ASB15: variants seen among roughly 807,000 people sequenced by gnomAD.
ASB15 encodes ankyrin repeat and SOCS box protein 15.
In ASB15, 54 loss-of-function variants were observed where a neutral mutation model predicts 58.0. That is an observed-to-expected ratio of 0.93 (90% CI 0.75 to 1.17). ASB15 has a LOEUF of 1.17. Ranked by LOEUF, ASB15 falls within the 50% of genes most tolerant of loss-of-function variation. The probability of loss-of-function intolerance (pLI) is 0.00; values close to 1 mark genes in which losing one functional copy is unlikely to be tolerated. For missense variants in ASB15, 680 were observed against 707.4 expected, an observed-to-expected ratio of 0.96 and a Z score of 0.44; for synonymous variants, 249 against 262.4, an observed-to-expected ratio of 0.95 and a Z score of 0.50.
At chr7:123,573,493 A>G (rs1009926719) in intron 1 of ASB15, among the ~76,000 whole-genome samples, 4 of 152,008 alleles carry the variant, frequency 2.6e-5, no homozygotes, top group Non-Finnish European at 4.4e-5. Flanking sequence ...CTAGTCCTCA[A>G]GCAAAGAAGC....
At chr7:123,572,159 T>C (rs1242199805) in intron 1 of ASB15, among the ~76,000 whole-genome samples, 3 of 113,860 alleles carry the variant, frequency 2.6e-5, no homozygotes, top group Admixed American at 9.5e-5. Flanking sequence ...TTTTTTTTTT[T>C]GGAGACAGAG....
intron 8 of ASB15, 124 bp downstream of exon 8, chr7:123,624,938 A>C (rs1047980491): frequency 8.0e-7 from 1 of 1,247,498 alleles, no homozygotes; most frequent in South Asian, 1.5e-5. Flanking sequence ...GCTGAATGGA[A>C]CTTGGCATCA....
In ASB15 at chr7:123,637,877, C is replaced by CAAAAAAAAAAAAAAAAAAAAAAAAAA. The variant is rs1459949582; in HGVS notation, c.*896_*897insAAAAAAAAAAAAAAAAAAAAAAAAAA. The CAAAAAAAAAAAAAAAAAAAAAAAAAA allele has an allele frequency of 5.2e-5, 1 of 19,120 alleles. No individual in the cohort carries two copies. Among genetic ancestry groups the CAAAAAAAAAAAAAAAAAAAAAAAAAA allele is most frequent in the Non-Finnish European group, 9.2e-5 (1 of 10,832 alleles). 1.2% of individuals were successfully genotyped at this position (19,120 alleles called of 1,614,324 possible). A position where few individuals can be genotyped will look rare whatever the true frequency, so the allele number is the denominator to read the frequency against. ...CAAATTCAACATGTCCCCAGATGAA[C>CAAAAAAAAAAAAAAAAAAAAAAAAAA]TAAAAAAAAAAAAAAAAAAAAAACC... On this transcript the variant is annotated 3_prime_UTR_variant, in exon 12 of 12. Coordinates refer to ENST00000451215, the MANE Select transcript of ASB15 (RefSeq NM_001290258.2).
chr7:123,631,971 A>G (rs1802142349), intron 11 of ASB15, among the ~76,000 whole-genome samples: 3 of 151,868 alleles, frequency 2.0e-5, no homozygotes, highest in Admixed American at 6.6e-5. Context: ...CCAGCTACTC[A>G]GGAGGCTGAG....
At chr7:123,594,391 T>C (rs967525776) in intron 1 of ASB15, among the ~76,000 whole-genome samples, 3 of 152,162 alleles carry the variant, frequency 2.0e-5, no homozygotes, top group African/African-American at 7.2e-5. Context: ...GCCTTTCTGC[T>C]CTGGTTTCTC....
intron 1 of ASB15, among the ~76,000 whole-genome samples, chr7:123,574,444 A>G (rs895481838): frequency 6.6e-6 from 1 of 152,186 alleles, no homozygotes; most frequent in Non-Finnish European, 1.5e-5. Context: ...AGTTTGTGAT[A>G]CAGTAAGTCA....
chr7:123,630,614 T>G (rs540812795), intron 11 of ASB15, among the ~76,000 whole-genome samples: 19 of 152,288 alleles, frequency 1.2e-4, no homozygotes, highest in African/African-American at 4.6e-4. Context: ...GACAGGCCAT[T>G]TTGTCTTTTC....
chr7:123,571,912 G>A (rs1465467513), intron 1 of ASB15, among the ~76,000 whole-genome samples: 1 of 151,898 alleles, frequency 6.6e-6, no homozygotes, highest in African/African-American at 2.4e-5. Context: ...CCACACCACA[G>A]GCATGCACCA....
Position 123,616,353 on chromosome 7 carries a change from G to A in ASB15, c.161-11G>A. 6.2e-7 allele frequency: 1 copy of A among 1,610,224 alleles called. No individual in the cohort carries two copies. The highest frequency in any genetic ancestry group is 1.1e-5 in the South Asian group (1 of 90,912). On this transcript the variant is annotated splice_polypyrimidine_tract_variant and intron_variant, in intron 5 of 11. Coordinates refer to ENST00000451215, the MANE Select transcript of ASB15 (RefSeq NM_001290258.2). ...ACAGAGATTAGTCATCAGTCCATGT[G>A]TTTAATTTAGGTCACATTCCTGAGC...
chr7:123,628,635 A>T (rs75686389), intron 9 of ASB15, among the ~76,000 whole-genome samples: 2,403 of 152,326 alleles, frequency 0.016, 64 homozygotes, highest in African/African-American at 0.054. Context: ...TATAAGATGC[A>T]GTTTCCCAGG....
intron 1 of ASB15, among the ~76,000 whole-genome samples, chr7:123,575,779 A>C (rs1000847327): frequency 6.9e-6 from 1 of 144,422 alleles, no homozygotes; most frequent in Middle Eastern, 3.3e-3. Flanking sequence ...CCCTTTATGA[A>C]TTATTTGATT....
intron 7 of ASB15, 123 bp from the exon 8 acceptor site, chr7:123,624,446 T>C: frequency 7.9e-6 from 7 of 883,002 alleles, no homozygotes; most frequent in South Asian, 1.7e-5. Context: ...TACATTATTT[T>C]CCTTGTAGAA....
intron 1 of ASB15, among the ~76,000 whole-genome samples, chr7:123,590,563 T>C (rs1031190005): frequency 2.6e-5 from 4 of 152,174 alleles, no homozygotes; most frequent in African/African-American, 9.7e-5. Context: ...CCCAGCACCA[T>C]TTATTAAATA....
intron 11 of ASB15, among the ~76,000 whole-genome samples, chr7:123,630,328 G>C (rs79101086): frequency 0.12 from 18,702 of 152,002 alleles, 1,310 homozygotes; most frequent in Admixed American, 0.19. Context: ...TGTATAATGA[G>C]TAATACTACA....
rs151190258 is a variant in ASB15, at chr7:123,588,914, A to G, written c.-442-15118A>G. Among the ~76,000 whole-genome samples, 1,186 of 151,338 alleles carry G rather than the reference A, an allele frequency of 7.8e-3. 7 individuals are homozygous for G. The highest frequency in any genetic ancestry group is 0.012 in the Non-Finnish European group (816 of 67,726). ...TATTATTGGTTTCTTGTTCCATACC[A>G]TTGTGGTTGGAAAAGATAATTGATA... On this transcript the variant is annotated intron_variant, in intron 1 of 13. Transcript: ENST00000451558.
At chr7:123,607,429 A>G (rs2116452229) in intron 2 of ASB15, among the ~76,000 whole-genome samples, 1 of 152,302 alleles carries the variant, frequency 6.6e-6, no homozygotes, top group South Asian at 2.1e-4. Flanking sequence ...AACACAGCTG[A>G]GATAAACATT....
intron 1 of ASB15, among the ~76,000 whole-genome samples, chr7:123,585,421 T>G (rs755276373): frequency 6.6e-6 from 1 of 151,926 alleles, no homozygotes; most frequent in African/African-American, 2.4e-5. Flanking sequence ...GGAATGCATA[T>G]GCAATATTGC....
At chr7:123,634,757 T>C (rs1333283683) in intron 11 of ASB15, among the ~76,000 whole-genome samples, 2 of 152,182 alleles carry the variant, frequency 1.3e-5, no homozygotes, top group African/African-American at 4.8e-5. Context: ...AAGATATAAT[T>C]AGTTATCACC....
Position 123,623,872 on chromosome 7 carries a change from A to AAAAAAG in ASB15, c.452-693_452-692insAGAAAA, listed in dbSNP as rs1554395606. On this transcript the variant is annotated intron_variant, in intron 7 of 11. Transcript: ENST00000451215. ...GAGCGAGACTCTGTCTCAAAAAAAAAAAAAGAAAAGAAAAGAAGAAAGAAA... is the reference window on the plus strand; with the variant it reads ...GAGCGAGACTCTGTCTCAAAAAAAAAAAAAAGAAAAGAAAAGAAAAGAAGAAAGAAA... 3.6e-4 allele frequency among the ~76,000 whole-genome samples: 36 copies of AAAAAAG among 99,608 alleles called. 3 individuals are homozygous for AAAAAAG. Among genetic ancestry groups the AAAAAAG allele is most frequent in the South Asian group, 2.9e-3 (9 of 3,058 alleles). 65.3% of individuals were successfully genotyped at this position (99,608 alleles called of 152,430 possible). A position where few individuals can be genotyped will look rare whatever the true frequency, so the allele number is the denominator to read the frequency against.
Sources: allele counts gnomAD v4.1 joint callset (sites outside exome capture counted in the v4.1 genomes callset), GRCh38; gene constraint gnomAD v4.1.1; transcripts MANE v1.5; gene names NCBI Gene and HGNC (gene_info 2026-07-23, HGNC 2026-07-21).